MYO6: variants seen among roughly 807,000 people sequenced by gnomAD.
MYO6 encodes unconventional myosin-VI.
Under a neutral mutation model 178.7 loss-of-function variants are expected in MYO6, and 74 were observed. The ratio of observed to expected loss-of-function variants is 0.41; its 90% CI spans 0.34 to 0.50. The LOEUF (loss-of-function observed/expected upper bound fraction) is 0.50. Ranked by LOEUF, MYO6 falls within the 20% of genes least tolerant of loss-of-function variation. MYO6 has a pLI of 0.09. For missense variants in MYO6, 1,330 were observed against 1,547.4 expected, an observed-to-expected ratio of 0.86 and a Z score of 2.36; for synonymous variants, 477 against 504.6, an observed-to-expected ratio of 0.95 and a Z score of 0.73.
chr6:75,825,751 T>A (rs1772401330), intron 3 of MYO6, among the ~76,000 whole-genome samples: 1 of 152,292 alleles, frequency 6.6e-6, no homozygotes, highest in South Asian at 2.1e-4. Flanking sequence ...GAGCCAGAGC[T>A]GTAATGATTA....
At chr6:75,862,476 A>G in intron 15 of MYO6, 120 bp from the exon 16 acceptor site, 1 of 900,192 alleles carries the variant, frequency 1.1e-6, no homozygotes, top group Non-Finnish European at 1.8e-6. Context: ...GAACACATAT[A>G]GAATCACATG....
At position 75,915,166 on chromosome 6, in the gene MYO6, G is replaced by T; in HGVS notation, c.*154G>T. On this transcript the variant is annotated 3_prime_UTR_variant, in exon 35 of 35. Coordinates refer to ENST00000369977, the MANE Select transcript of MYO6 (RefSeq NM_004999.4). ...ACGGCTTTTGGTGAATTTGTTTAAG[G>T]TTAATTATGGTAGCAAATTTTGGAC... 9.0e-6 allele frequency: 7 copies of T among 781,216 alleles called. No individual in the cohort carries two copies. In the East Asian group the frequency reaches 1.6e-4, roughly 18 times the overall value. 48.4% of individuals were successfully genotyped at this position (781,216 alleles called of 1,614,324 possible).
At chr6:75,774,796 TTAC>T (rs1766216819) in intron 1 of MYO6, among the ~76,000 whole-genome samples, 1 of 151,518 alleles carries the variant, frequency 6.6e-6, no homozygotes, top group African/African-American at 2.4e-5. Context: ...ATTATTATTA[TTAC>T]TATTTTTTTT....
intron 22 of MYO6, among the ~76,000 whole-genome samples, 166 bp downstream of exon 22, chr6:75,880,286 TGA>T (rs1583346928): frequency 6.6e-6 from 1 of 152,328 alleles, no homozygotes; most frequent in African/African-American, 2.4e-5. Context: ...AAAAAAAAGT[TGA>T]GAGGAAGATA....
chr6:75,874,173 T>A (rs1449265852), intron 20 of MYO6, among the ~76,000 whole-genome samples: 1 of 152,192 alleles, frequency 6.6e-6, no homozygotes, highest in East Asian at 1.9e-4. Context: ...AATTTTCTGC[T>A]TCGCTAAAGG....
At chr6:75,845,735 A>G (rs528785046) in intron 10 of MYO6, among the ~76,000 whole-genome samples, 1 of 152,212 alleles carries the variant, frequency 6.6e-6, no homozygotes, top group East Asian at 1.9e-4. Flanking sequence ...TTGTAATCCC[A>G]GCACTTTGGG....
intron 1 of MYO6, among the ~76,000 whole-genome samples, chr6:75,779,665 TC>T (rs1437494102): frequency 6.6e-6 from 1 of 152,236 alleles, no homozygotes; most frequent in Non-Finnish European, 1.5e-5. Flanking sequence ...CTTAGTGTTT[TC>T]TTTTTTTAAA....
chr6:75,822,946 G>A (rs772753222), intron 3 of MYO6, 95 bp downstream of exon 3: 37 of 968,432 alleles, frequency 3.8e-5, no homozygotes, highest in Non-Finnish European at 4.8e-5. Flanking sequence ...TACACTGTGC[G>A]GGTTCAGAAA....
chr6:75,868,870 C>G (rs1250683135), intron 18 of MYO6, among the ~76,000 whole-genome samples: 1 of 151,866 alleles, frequency 6.6e-6, no homozygotes, highest in Non-Finnish European at 1.5e-5. Flanking sequence ...AAAAGTCATC[C>G]TTTTTGATGG....
intron 17 of MYO6, 61 bp from the exon 18 acceptor site, chr6:75,866,871 C>A: frequency 6.5e-7 from 1 of 1,541,984 alleles, no homozygotes; most frequent in Non-Finnish European, 9.0e-7. Flanking sequence ...TTGGACAGAG[C>A]CATGTTAAGT....
Position 75,919,320 on chromosome 6 carries a change from C to T in MYO6, c.*4308C>T, listed in dbSNP as rs1480752446. 1 of 152,204 alleles carries T rather than the reference C, an allele frequency of 6.6e-6. No individual in the cohort carries two copies. Among genetic ancestry groups the T allele is most frequent in the Non-Finnish European group, 1.5e-5 (1 of 68,022 alleles). The allele number at this position is 152,204 out of a possible 1,614,324, so 9.4% of individuals were successfully genotyped here. A position where few individuals can be genotyped will look rare whatever the true frequency, so the allele number is the denominator to read the frequency against. On this transcript the variant is annotated 3_prime_UTR_variant, in exon 35 of 35. Coordinates refer to ENST00000369977, the MANE Select transcript of MYO6 (RefSeq NM_004999.4). ...ATGTCGGTTATTCCACTCTTTATGT[C>T]CATATCTACACATTCAATCCTAATT...
chr6:75,866,901 C>G, intron 17 of MYO6, 31 bp from the exon 18 acceptor site: 1 of 1,607,524 alleles, frequency 6.2e-7, no homozygotes, highest in Non-Finnish European at 8.5e-7. Context: ...ACAAGATGGA[C>G]AGAAACATTC....
intron 1 of MYO6, among the ~76,000 whole-genome samples, chr6:75,791,640 G>A (rs764807088): frequency 4.9e-4 from 75 of 152,158 alleles, no homozygotes; most frequent in Non-Finnish European, 9.0e-4. Context: ...TTCAACTGAT[G>A]TTAAGAATGA....
chr6:75,781,643 C>T (rs933189642), intron 1 of MYO6, among the ~76,000 whole-genome samples: 2 of 152,028 alleles, frequency 1.3e-5, no homozygotes, highest in African/African-American at 4.8e-5. Flanking sequence ...ACAAAGGGGG[C>T]TCCGTGGGTG....
At chr6:75,766,008 A>G (rs1239737258) in intron 1 of MYO6, among the ~76,000 whole-genome samples, 2 of 152,206 alleles carry the variant, frequency 1.3e-5, no homozygotes, top group Non-Finnish European at 2.9e-5. Context: ...AGCCTGGGCA[A>G]CAGAGTGAGA....
Position 75,903,337 on chromosome 6 carries a change from C to G in MYO6, c.3177-4268C>G, listed in dbSNP as rs535891582. On this transcript the variant is annotated intron_variant, in intron 30 of 34. Coordinates refer to ENST00000369977, the MANE Select transcript of MYO6 (RefSeq NM_004999.4). Reference sequence around the variant, plus strand: ...TGTGGACAGTGGGGTGTTAAAGTCTCCCATTATTAATGTGTGGGAGTCTAA... The same window carrying G: ...TGTGGACAGTGGGGTGTTAAAGTCTGCCATTATTAATGTGTGGGAGTCTAA... Among the ~76,000 whole-genome samples the G allele has an allele frequency of 3.9e-3, 594 of 152,022 alleles. 6 individuals carry two copies. Among genetic ancestry groups the G allele is most frequent in the African/African-American group, 0.014 (569 of 41,480 alleles).
intron 7 of MYO6, among the ~76,000 whole-genome samples, chr6:75,838,765 G>T (rs1773906791): frequency 6.6e-6 from 1 of 151,020 alleles, no homozygotes; most frequent in Admixed American, 6.6e-5. Context: ...GGGTTCAAGT[G>T]ATTCTCCTGC....
At chr6:75,866,859 CT>C (rs1776748104) in intron 17 of MYO6, 72 bp from the exon 18 acceptor site, 1 of 1,513,946 alleles carries the variant, frequency 6.6e-7, no homozygotes, top group Non-Finnish European at 9.2e-7. Context: ...CAGAAAGTTC[CT>C]TTGGACAGAG....
chr6:75,826,867 C>G (rs563180655), intron 3 of MYO6, among the ~76,000 whole-genome samples: 2 of 151,682 alleles, frequency 1.3e-5, no homozygotes, highest in African/African-American at 2.4e-5. Context: ...GAGCTGAGAT[C>G]GTGCCACTGC....
Sources: allele counts gnomAD v4.1 joint callset (sites outside exome capture counted in the v4.1 genomes callset), GRCh38; gene constraint gnomAD v4.1.1; transcripts MANE v1.5; gene names NCBI Gene and HGNC (gene_info 2026-07-23, HGNC 2026-07-21).